The following CBR4 variants were observed in gnomAD, a reference collection of about 807,000 sequenced individuals.
CBR4 encodes the protein 3-oxoacyl-[acyl-carrier-protein] reductase.
Under a neutral mutation model 21.0 loss-of-function variants are expected in CBR4, and 22 were observed. The ratio of observed to expected loss-of-function variants is 1.05; its 90% CI spans 0.75 to 1.50. The LOEUF is 1.50. Ranked by LOEUF, CBR4 falls within the 40% of genes most tolerant of loss-of-function variation. CBR4 has a pLI of 0.00. For synonymous variants in CBR4, 100 were observed against 104.4 expected (o/e 0.96, Z 0.26); for missense variants, 302 against 286.3 (o/e 1.05, Z -0.40).
At chr4:169,004,988 C>A (rs1395467172) in intron 3 of CBR4, among the ~76,000 whole-genome samples, 1 of 152,050 alleles carries the variant, frequency 6.6e-6, no homozygotes, top group African/African-American at 2.4e-5. Context: ...AAGGACCTCA[C>A]AAAATTTTTT....
In CBR4 at chr4:168,990,305, T is replaced by C; in HGVS notation, c.559A>G (p.Lys187Glu). The change falls in exon 5 of 5, where the codon AAA (lysine) becomes GAA (glutamate). Residue 187 changes from lysine to glutamate, a missense_variant. Transcript: ENST00000306193. The stretch of plus-strand genomic sequence containing the variant: ...TTTAAATGTTCTTCTTTCAAGTCTT[T>C]CGTCATATCTGTGTGTACAAATCCT... ...APGFVHTDMT[K>E]DLKEEHLKKN... 1 of 1,611,176 alleles carries C rather than the reference T, an allele frequency of 6.2e-7. No homozygotes were observed. Among genetic ancestry groups the C allele is most frequent in the Non-Finnish European group, 8.5e-7 (1 of 1,178,206 alleles).
Position 168,898,510 on chromosome 4 carries a change from C to T in CBR4, n.170-3745G>A, listed in dbSNP as rs931772731. ...TGATTCAGGAATACAAAGTCTCCAG[C>T]TGTGAACAGAGACTCATCAGTGAAA... is the stretch of plus-strand genomic sequence containing the variant. On this transcript the variant is annotated intron_variant and non_coding_transcript_variant, in intron 2 of 3. Coordinates refer to the CBR4 transcript ENST00000509108. 21 of 1,611,112 alleles carry T rather than the reference C, an allele frequency of 1.3e-5. No individual in the cohort carries two copies. The highest frequency in any genetic ancestry group is 1.5e-5 in the Non-Finnish European group (18 of 1,177,400).
At chr4:168,997,451 T>C (rs1050709034) in intron 4 of CBR4, among the ~76,000 whole-genome samples, 2 of 152,098 alleles carry the variant, frequency 1.3e-5, no homozygotes, top group Non-Finnish European at 2.9e-5. Context: ...TCTAAAGATA[T>C]AGGCCAGGTG....
At chr4:168,976,324 T>C (rs1243090191) in intron 2 of CBR4, among the ~76,000 whole-genome samples, 1 of 152,188 alleles carries the variant, frequency 6.6e-6, no homozygotes, top group Non-Finnish European at 1.5e-5. Context: ...TGCTGCTTCT[T>C]CTACTTTTAT....
intron 2 of CBR4, among the ~76,000 whole-genome samples, chr4:168,901,395 G>C (rs891404560): frequency 1.4e-4 from 22 of 151,998 alleles, no homozygotes; most frequent in Non-Finnish European, 2.5e-4. Context: ...CCATTAGTAC[G>C]CTTGGTAAAA....
intron 2 of CBR4, among the ~76,000 whole-genome samples, chr4:168,963,035 A>C (rs1763909696): frequency 6.6e-6 from 1 of 152,216 alleles, no homozygotes; most frequent in Non-Finnish European, 1.5e-5. Context: ...CCTATCATTC[A>C]GATAGTTTAA....
chr4:168,982,386 T>G (rs1312058894), intron 2 of CBR4, among the ~76,000 whole-genome samples: 18 of 152,156 alleles, frequency 1.2e-4, no homozygotes, highest in Non-Finnish European at 2.5e-4. Context: ...TATATATATA[T>G]GCAGTCAACA....
intron 2 of CBR4, among the ~76,000 whole-genome samples, chr4:168,954,085 C>T (rs1424529706): frequency 6.6e-6 from 1 of 151,848 alleles, no homozygotes; most frequent in Non-Finnish European, 1.5e-5. Context: ...TGGAATCCAC[C>T]AACAGATGAA....
chr4:168,916,684 CTTTTT>C lies in CBR4; in HGVS notation n.170-21924_170-21920del, dbSNP rs545906704. On this transcript the variant is annotated intron_variant and non_coding_transcript_variant, in intron 2 of 3. Transcript: ENST00000509108. ...CTTTTATTCCTCCCATTTTCTAATT[CTTTTT>C]TTTTTTTTTTGAGACAGAGTCTCAC... Among the ~76,000 whole-genome samples the C allele has an allele frequency of 1.5e-5, 2 of 136,450 alleles. 1 individual carries two copies. The highest frequency in any genetic ancestry group is 4.5e-4 in the South Asian group (2 of 4,428). 89.5% of individuals were successfully genotyped at this position (136,450 alleles called of 152,430 possible).
intron 2 of CBR4, among the ~76,000 whole-genome samples, chr4:168,922,446 C>T (rs1309366923): frequency 6.6e-6 from 1 of 152,156 alleles, no homozygotes; most frequent in Non-Finnish European, 1.5e-5. Context: ...TCACATGAGC[C>T]TTATGAGATA....
intron 1 of CBR4, among the ~76,000 whole-genome samples, chr4:169,009,447 T>C (rs1159740038): frequency 6.6e-6 from 1 of 152,232 alleles, no homozygotes; most frequent in East Asian, 1.9e-4. Flanking sequence ...AACACTGCTT[T>C]GTGCATTCGC....
intron 2 of CBR4, chr4:168,916,090 T>C (rs1227811662): frequency 1.4e-6 from 2 of 1,476,014 alleles, no homozygotes; most frequent in East Asian, 4.5e-5. Flanking sequence ...GCCATTTCTC[T>C]ATAGTTCCTT....
chr4:168,932,053 T>A (rs1027665768), intron 2 of CBR4, among the ~76,000 whole-genome samples: 1 of 152,076 alleles, frequency 6.6e-6, no homozygotes, highest in African/African-American at 2.4e-5. Context: ...GAAACCATGA[T>A]ACCTCCAAAA....
At chr4:168,995,753 A>G (rs1765165138) in intron 4 of CBR4, among the ~76,000 whole-genome samples, 1 of 152,172 alleles carries the variant, frequency 6.6e-6, no homozygotes, top group Non-Finnish European at 1.5e-5. Flanking sequence ...ATGCTACTGC[A>G]TCTCCTGGAG....
At chr4:168,981,015 G>A (rs1447455107) in intron 2 of CBR4, among the ~76,000 whole-genome samples, 9 of 152,164 alleles carry the variant, frequency 5.9e-5, no homozygotes, top group African/African-American at 2.2e-4. Context: ...TAAGATTATC[G>A]AGATTCAGGA....
At chr4:168,952,982 G>C (rs1222249385) in intron 2 of CBR4, among the ~76,000 whole-genome samples, 1 of 152,232 alleles carries the variant, frequency 6.6e-6, no homozygotes, top group Non-Finnish European at 1.5e-5. Context: ...GAACTCCCAA[G>C]AGTATATGCC....
intron 2 of CBR4, among the ~76,000 whole-genome samples, chr4:168,935,407 G>A (rs1029680293): frequency 1.3e-5 from 2 of 152,176 alleles, no homozygotes; most frequent in Non-Finnish European, 2.9e-5. Context: ...ACACCAGCGA[G>A]ACAGAACCAT....
chr4:168,921,589 G>A lies in CBR4; in HGVS notation n.170-26824C>T, dbSNP rs769973229. On this transcript the variant is annotated intron_variant and non_coding_transcript_variant, in intron 2 of 3. Transcript: ENST00000509108. ...TGGCAACTAGATGGAAAGCCCGTAC[G>A]CCCTGACAGTGCTCACAAGATGCTG... 50 of 1,609,588 alleles carry A rather than the reference G, an allele frequency of 3.1e-5. No homozygotes were observed. Among genetic ancestry groups the A allele is most frequent in the Middle Eastern group, 1.7e-4 (1 of 5,994 alleles).
intron 2 of CBR4, among the ~76,000 whole-genome samples, chr4:168,913,703 A>G (rs1759518567): frequency 6.6e-6 from 1 of 152,052 alleles, no homozygotes; most frequent in African/African-American, 2.4e-5. Context: ...AAGAGTTCCA[A>G]AAAAAGACCT....
Sources: gnomAD v4.1 joint callset for allele counts (sites outside exome capture counted in the v4.1 genomes callset) on GRCh38, gnomAD v4.1.1 for gene constraint, MANE v1.5 for transcripts, NCBI Gene and HGNC (gene_info 2026-07-23, HGNC 2026-07-21) for gene names.